The following ASIC2 variants were observed in gnomAD, a reference collection of about 807,000 sequenced individuals.
ASIC2 encodes the protein acid sensing ion channel subunit 2, also known as acid-sensing ion channel 2.
In ASIC2, 25 loss-of-function variants were observed where a neutral mutation model predicts 57.3. That is an observed-to-expected ratio of 0.44 (90% CI 0.32 to 0.61). ASIC2 has a LOEUF of 0.61. ASIC2 is among the 20% of genes least tolerant of loss of function. The pLI, the probability that ASIC2 is intolerant of heterozygous loss-of-function variation, is 0.06. For synonymous variants in ASIC2, 319 were observed against 307.5 expected, an observed-to-expected ratio of 1.04 and a Z score of -0.39; for missense variants, 641 against 738.1, an observed-to-expected ratio of 0.87 and a Z score of 1.52.
At chr17:34,019,918 T>C (rs1476172860) in intron 1 of ASIC2, among the ~76,000 whole-genome samples, 2 of 152,274 alleles carry the variant, frequency 1.3e-5, no homozygotes, top group East Asian at 3.9e-4. Context: ...GTCTTCATGG[T>C]CTTTCATCTC....
At chr17:33,048,413 C>G (rs966407867) in intron 3 of ASIC2, among the ~76,000 whole-genome samples, 1 of 152,152 alleles carries the variant, frequency 6.6e-6, no homozygotes, top group Admixed American at 6.5e-5. Context: ...GAGGATCATG[C>G]CTTAGGAAAC....
intron 1 of ASIC2, among the ~76,000 whole-genome samples, chr17:33,665,131 C>T (rs1052721077): frequency 1.3e-4 from 19 of 151,964 alleles, no homozygotes; most frequent in Non-Finnish European, 2.4e-4. Flanking sequence ...TGGGCTCAGA[C>T]CGTGAAGGCA....
chr17:33,465,014 T>C (rs1184301655), intron 1 of ASIC2, among the ~76,000 whole-genome samples: 1 of 152,122 alleles, frequency 6.6e-6, no homozygotes, highest in African/African-American at 2.4e-5. Context: ...ATTAAGATAA[T>C]GTCTGGGGCA....
Position 33,510,399 on chromosome 17 carries a change from C to G in ASIC2, c.556-398332G>C, listed in dbSNP as rs182988705. ...TGGCATGGTGGCTCATGCCTGTAAT[C>G]CCAGCACTTGGGGATGCTAAGGGTG... is the stretch of plus-strand genomic sequence containing the variant. On this transcript the variant is annotated intron_variant, in intron 1 of 9. Transcript: ENST00000359872. Among the ~76,000 whole-genome samples the G allele has an allele frequency of 2.4e-3, 372 of 152,210 alleles. 3 individuals carry two copies. Among genetic ancestry groups the G allele is most frequent in the African/African-American group, 8.5e-3 (355 of 41,528 alleles).
intron 1 of ASIC2, among the ~76,000 whole-genome samples, chr17:33,825,174 C>T (rs929818026): frequency 6.6e-6 from 1 of 152,172 alleles, no homozygotes; most frequent in African/African-American, 2.4e-5. Context: ...GCATACCTTG[C>T]CTCCTTCCCT....
At chr17:34,088,761 T>C (rs1910211163) in intron 1 of ASIC2, among the ~76,000 whole-genome samples, 1 of 152,196 alleles carries the variant, frequency 6.6e-6, no homozygotes, top group South Asian at 2.1e-4. Context: ...CTCCCCAGCC[T>C]CGCTGCAGCC....
chr17:34,036,517 TATA>T (rs999245328), intron 1 of ASIC2, among the ~76,000 whole-genome samples: 22 of 150,724 alleles, frequency 1.5e-4, no homozygotes, highest in African/African-American at 3.4e-4. Context: ...AAACTTAAAG[TATA>T]ATAATAATAA....
intron 1 of ASIC2, among the ~76,000 whole-genome samples, chr17:33,314,654 G>A (rs747526880): frequency 1.1e-4 from 17 of 152,176 alleles, no homozygotes; most frequent in Admixed American, 3.9e-4. Context: ...AAGCAGAAGA[G>A]CTCAGTGTAA....
At chr17:33,201,252 T>A (rs1906847326) in intron 1 of ASIC2, among the ~76,000 whole-genome samples, 1 of 152,236 alleles carries the variant, frequency 6.6e-6, no homozygotes, top group Non-Finnish European at 1.5e-5. Context: ...ACAGCAGTGC[T>A]CGATCCACAG....
Position 34,075,962 on chromosome 17 carries a change from G to A in ASIC2, c.555+80016C>T, listed in dbSNP as rs557432710. Among the ~76,000 whole-genome samples the A allele has an allele frequency of 2.0e-5, 3 of 150,764 alleles. No homozygotes were observed. The South Asian group carries it at 6.3e-4, about 32-fold the overall frequency. On this transcript the variant is annotated intron_variant, in intron 1 of 9. Coordinates refer to the ASIC2 transcript ENST00000359872. ...TCTTGCCTCAGCCTCCCAAGTAGCT[G>A]GGATTACAGGTGTGTGCAACCACAC...
At chr17:33,405,119 G>A (rs1441387659) in intron 1 of ASIC2, among the ~76,000 whole-genome samples, 1 of 151,942 alleles carries the variant, frequency 6.6e-6, no homozygotes, top group Non-Finnish European at 1.5e-5. Flanking sequence ...TCAGCTGCAT[G>A]CCTCTCTGTC....
intron 1 of ASIC2, among the ~76,000 whole-genome samples, chr17:33,285,228 G>A (rs999766244): frequency 6.6e-6 from 1 of 152,220 alleles, no homozygotes; most frequent in Non-Finnish European, 1.5e-5. Flanking sequence ...TCATCCTGAT[G>A]TTGGTCATTT....
chr17:33,217,806 T>G (rs1295698692), intron 1 of ASIC2, among the ~76,000 whole-genome samples: 1 of 152,240 alleles, frequency 6.6e-6, no homozygotes, highest in Admixed American at 6.5e-5. Context: ...AAGCACCAAG[T>G]ACATGGTAGG....
At position 33,222,277 on chromosome 17, in the gene ASIC2, C is replaced by T. The variant is rs1166250332; in HGVS notation, c.708+69131G>A. On this transcript the variant is annotated intron_variant, in intron 1 of 9. Coordinates refer to ENST00000225823, the MANE Select transcript of ASIC2 (RefSeq NM_183377.2). ...AAAAATGAAGTACTGATATATGCTA[C>T]AACATGGATGAACCTCTAAAACGTT... Among the ~76,000 whole-genome samples the T allele has an allele frequency of 2.6e-5, 4 of 152,278 alleles. No homozygotes were observed. In the South Asian group the frequency reaches 8.3e-4, roughly 32 times the overall value.
intron 1 of ASIC2, among the ~76,000 whole-genome samples, chr17:33,909,496 G>C (rs758325125): frequency 6.6e-6 from 1 of 152,234 alleles, no homozygotes; most frequent in Non-Finnish European, 1.5e-5. Context: ...TCCAGAGGCA[G>C]AGTGGAACCA....
chr17:33,879,807 T>A (rs983426656), intron 1 of ASIC2, among the ~76,000 whole-genome samples: 5 of 152,212 alleles, frequency 3.3e-5, no homozygotes, highest in African/African-American at 1.2e-4. Context: ...TATACATTGT[T>A]TTCAGCACCA....
chr17:33,856,790 C>T lies in ASIC2; in HGVS notation c.555+299188G>A, dbSNP rs530993443. Among the ~76,000 whole-genome samples the T allele has an allele frequency of 4.6e-5, 7 of 152,158 alleles. No homozygotes were observed. The South Asian group carries it at 1.5e-3, about 32-fold the overall frequency. ...GTCCTAGAGGCCTGAGAGACCGCGA[C>T]AGGTAGTTCAGGGACCTGTAAGCAG... On this transcript the variant is annotated intron_variant, in intron 1 of 9. Coordinates refer to the ASIC2 transcript ENST00000359872.
intron 1 of ASIC2, among the ~76,000 whole-genome samples, chr17:34,049,236 G>C (rs747753778): frequency 1.3e-5 from 2 of 152,138 alleles, no homozygotes; most frequent in Non-Finnish European, 2.9e-5. Context: ...AGGCCACAGT[G>C]AACCATGGAT....
intron 1 of ASIC2, among the ~76,000 whole-genome samples, chr17:34,027,283 C>A (rs532934749): frequency 6.6e-6 from 1 of 152,272 alleles, no homozygotes; most frequent in Admixed American, 6.5e-5. Flanking sequence ...TCAGTACCTC[C>A]AAGTTTCCAC....
Sources: allele counts gnomAD v4.1 joint callset (sites outside exome capture counted in the v4.1 genomes callset), GRCh38; gene constraint gnomAD v4.1.1; transcripts MANE v1.5; gene names NCBI Gene and HGNC (gene_info 2026-07-23, HGNC 2026-07-21).